SLC24A2: variants seen among roughly 807,000 people sequenced by gnomAD.
SLC24A2 encodes sodium/potassium/calcium exchanger 2.
SLC24A2 carries 36 observed loss-of-function variants against 62.0 expected under a neutral mutation model. The observed-to-expected ratio is 0.58, with a 90% confidence interval of 0.44 to 0.77. SLC24A2 has a LOEUF of 0.77. Ranked by LOEUF, SLC24A2 falls within the 30% of genes least tolerant of loss-of-function variation. The pLI is 0.00. For missense variants in SLC24A2, 846 were observed against 817.9 expected, an observed-to-expected ratio of 1.03 and a Z score of -0.42; for synonymous variants, 358 against 294.0, an observed-to-expected ratio of 1.22 and a Z score of -2.23.
intron 7 of SLC24A2, among the ~76,000 whole-genome samples, chr9:19,557,575 G>A (rs983085966): frequency 6.6e-6 from 1 of 152,138 alleles, no homozygotes; most frequent in Non-Finnish European, 1.5e-5. Flanking sequence ...CATTAAATCT[G>A]TGCTGAATAA....
the SLC24A2 span, among the ~76,000 whole-genome samples, chr9:20,057,610 G>C: frequency 6.6e-6 from 1 of 152,148 alleles, no homozygotes; most frequent in African/African-American, 2.4e-5. Context: ...TCAAGCCGTT[G>C]GATGGAGTAC....
At chr9:20,169,287 A>T in the SLC24A2 span, among the ~76,000 whole-genome samples, 41,857 of 151,874 alleles carry the variant, frequency 0.28, 8,081 homozygotes, top group African/African-American at 0.56. Context: ...CAGACAGGAA[A>T]AAGTACTAGA....
chr9:20,299,430 C>A, the SLC24A2 span, among the ~76,000 whole-genome samples: 1 of 152,146 alleles, frequency 6.6e-6, no homozygotes, highest in Non-Finnish European at 1.5e-5. Context: ...GAAGTGAATC[C>A]AGGAAGAAGC....
At chr9:20,050,257 A>AG in the SLC24A2 span, among the ~76,000 whole-genome samples, 1 of 151,674 alleles carries the variant, frequency 6.6e-6, no homozygotes, top group East Asian at 1.9e-4. Context: ...AAAAAAAAAA[A>AG]AAAAAAAATT....
chr9:19,581,625 G>C (rs1836212994), intron 5 of SLC24A2, among the ~76,000 whole-genome samples: 1 of 152,192 alleles, frequency 6.6e-6, no homozygotes, highest in African/African-American at 2.4e-5. Context: ...TAGATGACAG[G>C]AAATTCTTCT....
chr9:20,280,954 T>C, the SLC24A2 span, among the ~76,000 whole-genome samples: 1 of 152,096 alleles, frequency 6.6e-6, no homozygotes, highest in African/African-American at 2.4e-5. Context: ...GAGGAACAAA[T>C]GGTCTCTCTC....
the SLC24A2 span, among the ~76,000 whole-genome samples, chr9:19,891,939 C>T: frequency 0.018 from 2,802 of 152,226 alleles, 34 homozygotes; most frequent in Non-Finnish European, 0.031. Flanking sequence ...TTTGGAGGGA[C>T]AAACATCCAA....
chr9:20,086,110 C>T, the SLC24A2 span, among the ~76,000 whole-genome samples: 2 of 152,164 alleles, frequency 1.3e-5, no homozygotes, highest in Non-Finnish European at 2.9e-5. Flanking sequence ...CTCAGAGAAA[C>T]TCTTTGTTAG....
the SLC24A2 span, among the ~76,000 whole-genome samples, chr9:19,872,176 G>A: frequency 2.0e-4 from 30 of 152,268 alleles, no homozygotes; most frequent in African/African-American, 5.3e-4. Flanking sequence ...AGGAAGGCAG[G>A]CAGTAACTAT....
the SLC24A2 span, among the ~76,000 whole-genome samples, chr9:20,175,460 GCT>G: frequency 6.6e-6 from 1 of 151,992 alleles, no homozygotes; most frequent in East Asian, 1.9e-4. Context: ...ATTACTTAAT[GCT>G]ACTGAATTAT....
chr9:20,019,253 G>GAGAAAGAAAGAGAGAA, the SLC24A2 span, among the ~76,000 whole-genome samples: 2,632 of 109,718 alleles, frequency 0.024, 84 homozygotes, highest in Middle Eastern at 0.097. Flanking sequence ...AAGAAGGAAA[G>GAGAAAGAAAGAGAGAA]AGAAAGAAAG....
intron 2 of SLC24A2, among the ~76,000 whole-genome samples, chr9:19,747,362 G>A (rs1290654251): frequency 1.3e-5 from 2 of 151,898 alleles, no homozygotes; most frequent in Admixed American, 6.6e-5. Flanking sequence ...TTCTATAATA[G>A]GTTTCATAAA....
the SLC24A2 span, among the ~76,000 whole-genome samples, chr9:20,249,746 A>G: frequency 1.3e-5 from 2 of 150,294 alleles, no homozygotes; most frequent in African/African-American, 2.5e-5. Flanking sequence ...CTGAAATGTC[A>G]TGTAGCACTG....
chr9:20,022,665 A>G, the SLC24A2 span, among the ~76,000 whole-genome samples: 2 of 152,298 alleles, frequency 1.3e-5, no homozygotes, highest in African/African-American at 2.4e-5. Context: ...TCTCTCACCA[A>G]TTCCATTCTG....
At chr9:19,827,198 T>C in the SLC24A2 span, among the ~76,000 whole-genome samples, 167 of 152,290 alleles carry the variant, frequency 1.1e-3, no homozygotes, top group African/African-American at 4.0e-3. Context: ...GAATAGGCCG[T>C]GCATCAGCTT....
At chr9:19,784,902 A>G (rs928454178) in intron 2 of SLC24A2, among the ~76,000 whole-genome samples, 1 of 152,206 alleles carries the variant, frequency 6.6e-6, no homozygotes, top group Non-Finnish European at 1.5e-5. Flanking sequence ...GAATTATGCA[A>G]ATTTAACCAT....
the SLC24A2 span, among the ~76,000 whole-genome samples, chr9:19,935,850 C>T: frequency 5.6e-4 from 86 of 152,288 alleles, 1 homozygote; most frequent in African/African-American, 2.0e-3. Context: ...CTGAAGTCAA[C>T]CCAATCCATT....
chr9:20,210,015 C>G, the SLC24A2 span, among the ~76,000 whole-genome samples: 1 of 152,156 alleles, frequency 6.6e-6, no homozygotes, highest in East Asian at 1.9e-4. Context: ...AACCTGCAGA[C>G]AGCTTAATTG....
chr9:19,874,712 TA>T, the SLC24A2 span, among the ~76,000 whole-genome samples: 107 of 152,350 alleles, frequency 7.0e-4, no homozygotes, highest in African/African-American at 2.4e-3. Context: ...GAATTTACAC[TA>T]CATCATTTCA....
Sources: gnomAD v4.1 joint callset for allele counts (sites outside exome capture counted in the v4.1 genomes callset) on GRCh38, gnomAD v4.1.1 for gene constraint, MANE v1.5 for transcripts, NCBI Gene and HGNC (gene_info 2026-07-23, HGNC 2026-07-21) for gene names.